Variants in LINGO2 observed in about 807,000 individuals in gnomAD.
LINGO2 encodes leucine-rich repeat and immunoglobulin-like domain-containing nogo receptor-interacting protein 2.
In LINGO2, 14 loss-of-function variants were observed where a neutral mutation model predicts 30.6. That is an observed-to-expected ratio of 0.46 (90% CI 0.30 to 0.72). LINGO2 has a LOEUF of 0.72. Ranked by LOEUF, LINGO2 falls within the 30% of genes least tolerant of loss-of-function variation. The pLI, the probability that LINGO2 is intolerant of heterozygous loss-of-function variation, is 0.07. For synonymous variants in LINGO2, 317 were observed against 288.5 expected, an observed-to-expected ratio of 1.10 and a Z score of -1.00; for missense variants, 729 against 751.7, an observed-to-expected ratio of 0.97 and a Z score of 0.35.
At chr9:29,035,234 A>T in the LINGO2 span, among the ~76,000 whole-genome samples, 166 of 152,196 alleles carry the variant, frequency 1.1e-3, 1 homozygote, top group African/African-American at 3.8e-3. Flanking sequence ...CTCTAATTTT[A>T]TGATGAAGAA....
chr9:28,961,064 G>C, the LINGO2 span, among the ~76,000 whole-genome samples: 2 of 152,064 alleles, frequency 1.3e-5, no homozygotes, highest in African/African-American at 4.8e-5. Flanking sequence ...TGCTCATGTA[G>C]ATTTATTTGG....
At chr9:29,085,716 C>G in the LINGO2 span, among the ~76,000 whole-genome samples, 4 of 152,020 alleles carry the variant, frequency 2.6e-5, no homozygotes, top group Admixed American at 6.6e-5. Flanking sequence ...TTAGTTTGTC[C>G]CCAATACTTT....
At chr9:28,916,246 T>G in the LINGO2 span, among the ~76,000 whole-genome samples, 1 of 152,126 alleles carries the variant, frequency 6.6e-6, no homozygotes, top group African/African-American at 2.4e-5. Flanking sequence ...CCCGAATTTG[T>G]TTCTTTGACA....
At chr9:29,070,191 A>T in the LINGO2 span, among the ~76,000 whole-genome samples, 1 of 152,134 alleles carries the variant, frequency 6.6e-6, no homozygotes, top group Admixed American at 6.6e-5. Context: ...ATGCTTAAAA[A>T]AATTAGATAA....
At chr9:29,185,385 A>G in the LINGO2 span, among the ~76,000 whole-genome samples, 1 of 152,126 alleles carries the variant, frequency 6.6e-6, no homozygotes, top group Non-Finnish European at 1.5e-5. Context: ...CAAAATATAA[A>G]AAACTAGGGC....
intron 5 of LINGO2, among the ~76,000 whole-genome samples, chr9:28,011,540 T>G (rs1186034311): frequency 6.6e-6 from 1 of 152,176 alleles, no homozygotes; most frequent in Non-Finnish European, 1.5e-5. Flanking sequence ...GGACTTCAGT[T>G]TGCTGCACAC....
intron 4 of LINGO2, among the ~76,000 whole-genome samples, chr9:28,091,849 A>G (rs1055012326): frequency 1.3e-5 from 2 of 152,182 alleles, no homozygotes; most frequent in Admixed American, 1.3e-4. Context: ...CAAACAATTT[A>G]CAAGAAAAAA....
At chr9:28,587,010 G>C (rs780191862) in intron 1 of LINGO2, among the ~76,000 whole-genome samples, 1 of 151,962 alleles carries the variant, frequency 6.6e-6, no homozygotes, top group African/African-American at 2.4e-5. Context: ...AGTTTATATA[G>C]TTATAGACAG....
chr9:28,268,045 G>A (rs1320378103), intron 4 of LINGO2, among the ~76,000 whole-genome samples: 1 of 152,102 alleles, frequency 6.6e-6, no homozygotes, highest in East Asian at 1.9e-4. Context: ...CTATTTAAAG[G>A]TCAATATCAG....
At chr9:28,983,926 T>A in the LINGO2 span, among the ~76,000 whole-genome samples, 105 of 152,170 alleles carry the variant, frequency 6.9e-4, no homozygotes, top group Non-Finnish European at 5.9e-4. Context: ...ATCCTTGGTC[T>A]GTATCTGGAG....
chr9:28,090,919 AACAG>A (rs1425806241), intron 4 of LINGO2, among the ~76,000 whole-genome samples: 1 of 152,154 alleles, frequency 6.6e-6, no homozygotes, highest in Non-Finnish European at 1.5e-5. Flanking sequence ...ATACACCAAT[AACAG>A]ACAAACAGAG....
At chr9:28,305,064 C>T (rs755470488) in intron 3 of LINGO2, among the ~76,000 whole-genome samples, 3 of 151,956 alleles carry the variant, frequency 2.0e-5, no homozygotes, top group Admixed American at 6.6e-5. Flanking sequence ...AAGAGATTTG[C>T]TTCATACAAA....
chr9:28,155,544 T>C (rs759778391), intron 4 of LINGO2, among the ~76,000 whole-genome samples: 14 of 152,174 alleles, frequency 9.2e-5, no homozygotes, highest in Non-Finnish European at 2.1e-4. Flanking sequence ...CAAGATACGT[T>C]TGTGGAAATG....
chr9:28,595,433 T>C (rs1017604094), intron 1 of LINGO2, among the ~76,000 whole-genome samples: 3 of 152,084 alleles, frequency 2.0e-5, no homozygotes, highest in East Asian at 3.9e-4. Context: ...CTCCAAATCA[T>C]TGAAAGTGTT....
At chr9:28,244,757 A>C (rs1321687016) in intron 4 of LINGO2, among the ~76,000 whole-genome samples, 1 of 152,066 alleles carries the variant, frequency 6.6e-6, no homozygotes, top group Non-Finnish European at 1.5e-5. Context: ...ACCAGGAAGA[A>C]GTCGAATCCT....
At chr9:28,028,897 T>G (rs1179509782) in intron 4 of LINGO2, among the ~76,000 whole-genome samples, 4 of 152,046 alleles carry the variant, frequency 2.6e-5, no homozygotes, top group Non-Finnish European at 4.4e-5. Flanking sequence ...TCATCCAAAT[T>G]TTACCTCTTC....
chr9:28,203,622 T>C (rs1158023334), intron 4 of LINGO2, among the ~76,000 whole-genome samples: 1 of 152,174 alleles, frequency 6.6e-6, no homozygotes, highest in Non-Finnish European at 1.5e-5. Context: ...AGGAAGTATA[T>C]ATTATGAAAA....
At chr9:28,393,468 A>G (rs2134700137) in intron 2 of LINGO2, among the ~76,000 whole-genome samples, 1 of 152,336 alleles carries the variant, frequency 6.6e-6, no homozygotes, top group Middle Eastern at 3.4e-3. Context: ...TTCTGGTTCA[A>G]GATCTGGTGT....
At chr9:28,496,135 T>C (rs1819616648) in intron 1 of LINGO2, among the ~76,000 whole-genome samples, 1 of 152,068 alleles carries the variant, frequency 6.6e-6, no homozygotes, top group South Asian at 2.1e-4. Flanking sequence ...ATGTATATTC[T>C]GTTGATTTGG....
Sources: gnomAD v4.1 joint callset for allele counts (sites outside exome capture counted in the v4.1 genomes callset) on GRCh38, gnomAD v4.1.1 for gene constraint, MANE v1.5 for transcripts, NCBI Gene and HGNC (gene_info 2026-07-23, HGNC 2026-07-21) for gene names.